Variants in KIAA0319L observed in about 807,000 individuals in gnomAD.
KIAA0319L encodes the protein dyslexia-associated protein KIAA0319-like protein.
A neutral mutation model predicts 120.1 loss-of-function variants in KIAA0319L; 55 were observed. That is an observed-to-expected ratio of 0.46 (90% CI 0.37 to 0.57). KIAA0319L has a LOEUF of 0.57. Among genes scored for constraint, KIAA0319L ranks in the 20% least tolerant of loss-of-function variants. KIAA0319L has a pLI of 0.00. For synonymous variants in KIAA0319L, 398 were observed against 471.9 expected (o/e 0.84, Z 2.03); for missense variants, 1,049 against 1,255.3 (o/e 0.84, Z 2.48).
chr1:35,458,088 A>T (rs1642616287), intron 9 of KIAA0319L, among the ~76,000 whole-genome samples: 1 of 152,080 alleles, frequency 6.6e-6, no homozygotes, highest in Non-Finnish European at 1.5e-5. Flanking sequence ...GCTACCTGCC[A>T]CCATGCTCAG....
intron 2 of KIAA0319L, among the ~76,000 whole-genome samples, chr1:35,531,345 C>T (rs1400499699): frequency 6.6e-6 from 1 of 152,158 alleles, no homozygotes; most frequent in Non-Finnish European, 1.5e-5. Flanking sequence ...TTCCTCTGGG[C>T]CCAACCAGTG....
chr1:35,501,214 T>C (rs1644993346), intron 3 of KIAA0319L, among the ~76,000 whole-genome samples: 1 of 152,202 alleles, frequency 6.6e-6, no homozygotes, highest in Non-Finnish European at 1.5e-5. Context: ...GGATCTTCCT[T>C]CCAGCATACA....
chr1:35,449,990 A>G lies in KIAA0319L; in HGVS notation c.2230T>C (p.Ser744Pro). 6.2e-7 allele frequency: 1 copy of G among 1,614,164 alleles called. No homozygotes were observed. The highest frequency in any genetic ancestry group is 8.5e-7 in the Non-Finnish European group (1 of 1,180,014). Reference protein sequence around the residue: ...SPAAGEVLNHSDHHPILFLSN... With the variant: ...SPAAGEVLNHPDHHPILFLSN... The stretch of plus-strand genomic sequence containing the variant: ...AGAAAAAGGATAGGGTGATGGTCAG[A>G]GTGATTTAACACCTCCTGTAGGGTT... The change falls in exon 15 of 21, where the codon TCT becomes CCT. Residue 744 changes from serine to proline, a missense_variant. Coordinates refer to ENST00000325722, the MANE Select transcript of KIAA0319L (RefSeq NM_024874.5).
At chr1:35,466,125 C>T (rs1643249285) in intron 7 of KIAA0319L, among the ~76,000 whole-genome samples, 1 of 152,184 alleles carries the variant, frequency 6.6e-6, no homozygotes, top group African/African-American at 2.4e-5. Flanking sequence ...GATCTACCTA[C>T]AGTGGTTCAT....
At chr1:35,450,265 T>G in intron 14 of KIAA0319L, 93 bp downstream of exon 14, 1 of 1,339,886 alleles carries the variant, frequency 7.5e-7, no homozygotes, top group Non-Finnish European at 1.0e-6. Flanking sequence ...CTGGGTTTGA[T>G]ATAAGGGACC....
intron 2 of KIAA0319L, among the ~76,000 whole-genome samples, chr1:35,514,249 CG>C: frequency 6.6e-6 from 1 of 151,758 alleles, no homozygotes; most frequent in Non-Finnish European, 1.5e-5. Flanking sequence ...CACACATAGT[CG>C]GGCTGACAAC....
At chr1:35,534,243 T>G (rs966082140) in intron 2 of KIAA0319L, among the ~76,000 whole-genome samples, 13 of 151,966 alleles carry the variant, frequency 8.6e-5, no homozygotes, top group Non-Finnish European at 4.4e-5. Context: ...CTACACTAAC[T>G]GCTACACAAG....
intron 2 of KIAA0319L, among the ~76,000 whole-genome samples, chr1:35,544,698 A>G (rs1041805901): frequency 6.6e-6 from 1 of 152,354 alleles, no homozygotes; most frequent in South Asian, 2.1e-4. Flanking sequence ...AACTATGAGT[A>G]AAATAGTTTC....
rs1648265117 is a variant in KIAA0319L, at chr1:35,557,343, TC to T, written c.-166del. On this transcript the variant is annotated 5_prime_UTR_variant, in exon 1 of 21. Coordinates refer to ENST00000325722, the MANE Select transcript of KIAA0319L (RefSeq NM_024874.5). ...GGAAGAGGAAGAAGGTAGTGCGGGC[TC>T]CCCACCCGGACAGCTACCTCTCGCC... 3 of 272,960 alleles carry T rather than the reference TC, an allele frequency of 1.1e-5. No homozygotes were observed. Among genetic ancestry groups the T allele is most frequent in the South Asian group, 8.6e-5 (3 of 34,828 alleles). The allele number at this position is 272,960 out of a possible 1,614,324, so 16.9% of individuals were successfully genotyped here.
chr1:35,547,770 G>A (rs553583960), intron 2 of KIAA0319L, among the ~76,000 whole-genome samples: 2 of 152,170 alleles, frequency 1.3e-5, no homozygotes, highest in South Asian at 4.1e-4. Context: ...TGGGTACAGG[G>A]CTTCTTCTAG....
At chr1:35,468,928 T>C (rs142320751) in intron 6 of KIAA0319L, among the ~76,000 whole-genome samples, 2 of 152,352 alleles carry the variant, frequency 1.3e-5, no homozygotes, top group African/African-American at 4.8e-5. Context: ...GTAAAAAAGA[T>C]AGTAATACCT....
chr1:35,449,134 G>T (rs1329816061), intron 15 of KIAA0319L, among the ~76,000 whole-genome samples: 1 of 152,130 alleles, frequency 6.6e-6, no homozygotes, highest in African/African-American at 2.4e-5. Flanking sequence ...CCTTCCTAGA[G>T]GCAGGACAAG....
chr1:35,477,656 G>T (rs546868050), intron 4 of KIAA0319L, among the ~76,000 whole-genome samples: 2 of 120,918 alleles, frequency 1.7e-5, no homozygotes, highest in Non-Finnish European at 3.2e-5. Context: ...AACAGAGTGA[G>T]ACTCTGTCTC....
chr1:35,550,846 C>T (rs928700707), intron 2 of KIAA0319L, among the ~76,000 whole-genome samples: 20 of 152,052 alleles, frequency 1.3e-4, no homozygotes, highest in Non-Finnish European at 2.5e-4. Flanking sequence ...GGACTAGAGA[C>T]GTGTGCCACC....
rs145254037 is a variant in KIAA0319L, at chr1:35,476,414, T to C, written c.914-1508A>G. Among the ~76,000 whole-genome samples the C allele has an allele frequency of 2.6e-5, 4 of 152,300 alleles. No homozygotes were observed. In the East Asian group the frequency reaches 7.7e-4, roughly 29 times the overall value. ...AACTAGGAGAGCTTAAAGCAAACAA[T>C]AGGCTAGTCCACTCATATTTCAAGC... On this transcript the variant is annotated intron_variant, in intron 4 of 20. Coordinates refer to ENST00000325722, the MANE Select transcript of KIAA0319L (RefSeq NM_024874.5).
intron 16 of KIAA0319L, 93 bp downstream of exon 16, chr1:35,448,080 T>G (rs2149084584): frequency 8.0e-7 from 1 of 1,257,728 alleles, no homozygotes; most frequent in Admixed American, 2.4e-5. Flanking sequence ...AAAGCCCACC[T>G]TTCTCTATCT....
intron 3 of KIAA0319L, among the ~76,000 whole-genome samples, chr1:35,486,023 G>A (rs1310743695): frequency 1.3e-5 from 2 of 152,152 alleles, no homozygotes; most frequent in Non-Finnish European, 2.9e-5. Flanking sequence ...ATGGAGGTAA[G>A]GACAGATGGG....
At chr1:35,489,115 A>G (rs192697696) in intron 3 of KIAA0319L, among the ~76,000 whole-genome samples, 68 of 152,316 alleles carry the variant, frequency 4.5e-4, no homozygotes, top group African/African-American at 1.4e-3. Flanking sequence ...TCTGGGTCCA[A>G]ACTTGGGAAG....
rs935901769 is a variant in KIAA0319L at position 35,443,048 on chromosome 1, G to C, written c.2657-20C>G. 1.9e-6 allele frequency: 3 copies of C among 1,613,936 alleles called. No individual in the cohort carries two copies. Among genetic ancestry groups the C allele is most frequent in the Admixed American group, 1.7e-5 (1 of 60,002 alleles). ...GACATGCTGAGAGTGGCAGCAAAGG[G>C]AAGAAAGTCAACAAGACTCAGCCAG... On this transcript the variant is annotated intron_variant, in intron 17 of 20. Transcript: ENST00000325722.
Sources: allele counts gnomAD v4.1 joint callset (sites outside exome capture counted in the v4.1 genomes callset), GRCh38; gene constraint gnomAD v4.1.1; transcripts MANE v1.5; gene names NCBI Gene and HGNC (gene_info 2026-07-23, HGNC 2026-07-21).